Variants in EPAS1 observed in about 807,000 individuals in gnomAD.
EPAS1 encodes endothelial PAS domain-containing protein 1.
A neutral mutation model predicts 87.9 loss-of-function variants in EPAS1; 23 were observed. That is an observed-to-expected ratio of 0.26 (90% CI 0.19 to 0.37). The LOEUF (loss-of-function observed/expected upper bound fraction) is 0.37. EPAS1 is among the 10% of genes least tolerant of loss of function. The pLI, the probability that EPAS1 is intolerant of heterozygous loss-of-function variation, is 1.00. For synonymous variants in EPAS1, 508 were observed against 444.3 expected, an observed-to-expected ratio of 1.14 and a Z score of -1.80; for missense variants, 1,138 against 1,120.7, an observed-to-expected ratio of 1.02 and a Z score of -0.22.
chr2:46,356,135 C>G lies in EPAS1; in HGVS notation c.218-16C>G, dbSNP rs778451930. On this transcript the variant is annotated splice_polypyrimidine_tract_variant and intron_variant, in intron 2 of 15. Coordinates refer to ENST00000263734, the MANE Select transcript of EPAS1 (RefSeq NM_001430.5). ...TCCACATTCATGCAAGCTGTCCCACCCCCCCCCCTTTCCAGTTTGCTCTGA... is the reference window on the plus strand; with the variant it reads ...TCCACATTCATGCAAGCTGTCCCACGCCCCCCCCTTTCCAGTTTGCTCTGA... The G allele has an allele frequency of 4.8e-6, 6 of 1,242,908 alleles. 1 individual carries two copies. Among genetic ancestry groups the G allele is most frequent in the Non-Finnish European group, 6.8e-6 (6 of 886,528 alleles). 77.0% of individuals were successfully genotyped at this position (1,242,908 alleles called of 1,614,324 possible).
chr2:46,324,846 C>T lies in EPAS1; in HGVS notation c.27-22027C>T, dbSNP rs112996621. On this transcript the variant is annotated intron_variant, in intron 1 of 15. Coordinates refer to ENST00000263734, the MANE Select transcript of EPAS1 (RefSeq NM_001430.5). ...AGAAGTCCAGAAGTGGTTGGTGTTT[C>T]TGCTCTACACTGAAAACGAATTGGG... Among the ~76,000 whole-genome samples the T allele has an allele frequency of 1.3e-4, 20 of 152,368 alleles. 1 individual carries two copies. The highest frequency in any genetic ancestry group is 4.6e-4 in the African/African-American group (19 of 41,592).
intron 1 of EPAS1, chr2:46,335,768 C>T (rs1426073980): frequency 1.3e-5 from 2 of 152,012 alleles, no homozygotes; most frequent in African/African-American, 4.8e-5. Context: ...CTTGCTTTCA[C>T]CAGCTCTGTG....
At chr2:46,355,832 A>G (rs116372582) in intron 2 of EPAS1, among the ~76,000 whole-genome samples, 1 of 152,228 alleles carries the variant, frequency 6.6e-6, no homozygotes, top group African/African-American at 2.4e-5. Flanking sequence ...TATAGGCTGT[A>G]CAGGTGGTTG....
intron 1 of EPAS1, among the ~76,000 whole-genome samples, chr2:46,303,893 T>G (rs866778788): frequency 1.3e-5 from 2 of 152,152 alleles, no homozygotes; most frequent in Non-Finnish European, 2.9e-5. Flanking sequence ...GGAAGGTGTG[T>G]GTATTTAGTA....
chr2:46,366,916 G>A (rs1035361536), intron 6 of EPAS1, among the ~76,000 whole-genome samples: 1 of 152,240 alleles, frequency 6.6e-6, no homozygotes, highest in Non-Finnish European at 1.5e-5. Context: ...ACGTGGGGGC[G>A]AATGACCATG....
At position 46,380,714 on chromosome 2, in the gene EPAS1, CAAGGT is replaced by C; in HGVS notation, c.2045+1_2045+5del. The C allele has an allele frequency of 6.2e-7, 1 of 1,610,860 alleles. No homozygotes were observed. Among genetic ancestry groups the C allele is most frequent in the South Asian group, 1.1e-5 (1 of 91,078 alleles). On this transcript the variant is annotated splice_donor_variant and coding_sequence_variant, in exon 12 of 16. Transcript: ENST00000263734. LOFTEE classifies it high-confidence loss of function. The surrounding 1 kb of genome is among the most constrained non-coding windows in gnomAD (Gnocchi z 4.4). ...CCACCCCATGTCTCCACCTTCAAGA[CAAGGT>C]AAGTGGCAGATACTCAGCTGTACCA...
chr2:46,310,447 C>A (rs1175322507), intron 1 of EPAS1, among the ~76,000 whole-genome samples: 3 of 152,198 alleles, frequency 2.0e-5, no homozygotes, highest in African/African-American at 7.2e-5. Flanking sequence ...AATAACTGTT[C>A]ATTGCACACC....
chr2:46,302,629 A>G (rs1369168449), intron 1 of EPAS1, among the ~76,000 whole-genome samples: 1 of 152,004 alleles, frequency 6.6e-6, no homozygotes, highest in East Asian at 1.9e-4. Flanking sequence ...CCATAAGATG[A>G]CAAACTTGTA....
intron 1 of EPAS1, among the ~76,000 whole-genome samples, chr2:46,325,013 A>T (rs1390906574): frequency 6.6e-6 from 1 of 152,230 alleles, no homozygotes; most frequent in Non-Finnish European, 1.5e-5. Flanking sequence ...AGCTCTTAAC[A>T]TCGAAAGAGA....
intron 1 of EPAS1, among the ~76,000 whole-genome samples, chr2:46,318,925 A>C (rs1364114463): frequency 6.6e-6 from 1 of 152,250 alleles, no homozygotes; most frequent in African/African-American, 2.4e-5. Flanking sequence ...TAGTTGTATT[A>C]AGTTCCACTT....
rs1300256819 is a variant in EPAS1 at position 46,376,764 on chromosome 2, C to G, written c.1249+11C>G. ...TCTCTCTGGATTTCGGTGGGTGCTT[C>G]TTAGCTAAGCCAGGCCCCTGGAACC... On this transcript the variant is annotated intron_variant, in intron 9 of 15. Transcript: ENST00000263734. 1 of 1,611,690 alleles carries G rather than the reference C, an allele frequency of 6.2e-7. No homozygotes were observed. The highest frequency in any genetic ancestry group is 1.3e-5 in the African/African-American group (1 of 74,818).
chr2:46,302,648 C>T (rs536058673), intron 1 of EPAS1, among the ~76,000 whole-genome samples: 4 of 150,270 alleles, frequency 2.7e-5, no homozygotes, highest in Non-Finnish European at 4.4e-5. Flanking sequence ...TATTCAACAC[C>T]GACTCCTACT....
chr2:46,316,271 CTTTTT>C, intron 1 of EPAS1, among the ~76,000 whole-genome samples: 1 of 131,056 alleles, frequency 7.6e-6, no homozygotes, highest in Non-Finnish European at 1.7e-5. Context: ...TTTTTTTTTT[CTTTTT>C]GAGACACAGT....
chr2:46,369,330 G>A (rs1684573867), intron 6 of EPAS1, among the ~76,000 whole-genome samples: 1 of 152,118 alleles, frequency 6.6e-6, no homozygotes, highest in Non-Finnish European at 1.5e-5. Context: ...GGCTCTACCT[G>A]GGGCCACATA....
At chr2:46,323,796 T>C (rs1683501204) in intron 1 of EPAS1, among the ~76,000 whole-genome samples, 1 of 152,242 alleles carries the variant, frequency 6.6e-6, no homozygotes, top group South Asian at 2.1e-4. Flanking sequence ...CCTAGGTCAC[T>C]TGCTCATCTG....
At chr2:46,349,923 T>A (rs1397701920) in intron 2 of EPAS1, among the ~76,000 whole-genome samples, 2 of 152,230 alleles carry the variant, frequency 1.3e-5, no homozygotes, top group African/African-American at 4.8e-5. Context: ...TTCTCTGCAA[T>A]GTAGTAAAAA....
At chr2:46,302,118 C>CTCTCTGTGTG (rs35925160) in intron 1 of EPAS1, among the ~76,000 whole-genome samples, 215 of 127,642 alleles carry the variant, frequency 1.7e-3, no homozygotes, top group Middle Eastern at 3.7e-3. Context: ...CTCTTTCTCT[C>CTCTCTGTGTG]TGTGTGTGTG....
Position 46,347,142 on chromosome 2 carries a change from T to C in EPAS1, c.217+79T>C. Reference sequence around the variant, plus strand: ...TCCTATATGCAGGGGACCCTTCTGCTGCCAGAGCTGGAAAGTCACCCCACT... The same window carrying C: ...TCCTATATGCAGGGGACCCTTCTGCCGCCAGAGCTGGAAAGTCACCCCACT... On this transcript the variant is annotated intron_variant, in intron 2 of 15. Transcript: ENST00000263734. The surrounding 1 kb of genome is among the most constrained non-coding windows in gnomAD (Gnocchi z 4.2). The C allele has an allele frequency of 6.5e-7, 1 of 1,542,436 alleles. No homozygotes were observed. The highest frequency in any genetic ancestry group is 9.0e-7 in the Non-Finnish European group (1 of 1,116,472).
chr2:46,356,081 C>G (rs1684263380), intron 2 of EPAS1, 70 bp from the exon 3 acceptor site: 2 of 1,515,934 alleles, frequency 1.3e-6, no homozygotes, highest in African/African-American at 1.4e-5. Flanking sequence ...TGGCAAATGC[C>G]TATCTGTGCC....
Sources: allele counts gnomAD v4.1 joint callset (sites outside exome capture counted in the v4.1 genomes callset), GRCh38; gene constraint gnomAD v4.1.1; non-coding constraint Gnocchi (gnomAD v3.1); transcripts MANE v1.5; gene names NCBI Gene and HGNC (gene_info 2026-07-23, HGNC 2026-07-21).